The following HDAC1 variants were observed in gnomAD, a reference collection of about 807,000 sequenced individuals.
The protein encoded by HDAC1 is protein deacetylase HDAC1.
Under a neutral mutation model 65.5 loss-of-function variants are expected in HDAC1, and 18 were observed. The observed-to-expected ratio is 0.27, with a 90% CI of 0.19 to 0.41. HDAC1 has a LOEUF of 0.41. Ranked by LOEUF, HDAC1 falls within the 10% of genes least tolerant of loss-of-function variation. The probability of loss-of-function intolerance (pLI) is 1.00; values close to 1 mark genes in which losing one functional copy is unlikely to be tolerated. For missense variants in HDAC1, 373 were observed against 625.2 expected, an observed-to-expected ratio of 0.60 and a Z score of 4.30; for synonymous variants, 211 against 227.9, an observed-to-expected ratio of 0.93 and a Z score of 0.67.
intron 1 of HDAC1, among the ~76,000 whole-genome samples, chr1:32,293,893 C>G (rs1354450174): frequency 6.7e-6 from 1 of 148,240 alleles, no homozygotes; most frequent in Non-Finnish European, 1.5e-5. Flanking sequence ...CAGGGTGAGA[C>G]TCCATCTCAA....
intron 12 of HDAC1, among the ~76,000 whole-genome samples, 169 bp from the exon 13 acceptor site, chr1:32,332,532 C>G (rs1484731477): frequency 6.6e-6 from 1 of 152,212 alleles, no homozygotes; most frequent in East Asian, 1.9e-4. Context: ...GCTGGGAAAC[C>G]AGTCCAACCT....
rs1052376641 is a variant in HDAC1, at chr1:32,327,199, G to A, written c.494+122G>A. ...CCGATGTGCTGGCTAGGATGTGCTC[G>A]GTGAGTGTCTCTGGCCATCATCTCC... On this transcript the variant is annotated intron_variant, in intron 5 of 13. Transcript: ENST00000373548. This position sits in a 1 kb window ranked among gnomAD's most constrained non-coding sequence, Gnocchi z 6.0. The A allele has an allele frequency of 2.1e-5, 20 of 950,150 alleles. No individual in the cohort carries two copies. Among genetic ancestry groups the A allele is most frequent in the Non-Finnish European group, 2.6e-5 (16 of 622,858 alleles). 58.9% of individuals were successfully genotyped at this position (950,150 alleles called of 1,614,324 possible). A position where few individuals can be genotyped will look rare whatever the true frequency, so the allele number is the denominator to read the frequency against.
intron 3 of HDAC1, among the ~76,000 whole-genome samples, chr1:32,317,000 A>T (rs2148065451): frequency 6.6e-6 from 1 of 152,332 alleles, no homozygotes; most frequent in South Asian, 2.1e-4. Flanking sequence ...TTATGTTCAC[A>T]ACACTGTCCC....
intron 2 of HDAC1, among the ~76,000 whole-genome samples, chr1:32,309,119 C>G (rs1419551686): frequency 6.6e-6 from 1 of 152,142 alleles, no homozygotes; most frequent in African/African-American, 2.4e-5. Flanking sequence ...GCCAAGAGTT[C>G]ATTTGTTAGG....
chr1:32,309,740 C>CTATTCCT (rs1254937622), intron 2 of HDAC1, among the ~76,000 whole-genome samples: 4 of 150,490 alleles, frequency 2.7e-5, no homozygotes, highest in Non-Finnish European at 5.9e-5. Flanking sequence ...AATGCAGTGG[C>CTATTCCT]TATTCCTAGG....
chr1:32,297,630 G>A (rs1640785858), intron 1 of HDAC1, among the ~76,000 whole-genome samples: 1 of 152,022 alleles, frequency 6.6e-6, no homozygotes, highest in Non-Finnish European at 1.5e-5. Flanking sequence ...TTTGCGGGGG[G>A]GACGGAGTCT....
At chr1:32,319,917 T>TA (rs958927808) in intron 3 of HDAC1, among the ~76,000 whole-genome samples, 102 of 145,564 alleles carry the variant, frequency 7.0e-4, no homozygotes, top group Middle Eastern at 3.5e-3. Context: ...CTCGTCTCAA[T>TA]AAAAAAAAAA....
intron 4 of HDAC1, among the ~76,000 whole-genome samples, chr1:32,325,883 C>T (rs533120978): frequency 3.3e-5 from 5 of 151,898 alleles, no homozygotes; most frequent in African/African-American, 7.2e-5. Flanking sequence ...AAAAATTAGC[C>T]GGGCGTGGTG....
rs1641284502 is a variant in HDAC1, at chr1:32,331,021, A to G, written c.979+113A>G. ...ATATGACCGCTCCTCTTCTGATACT[A>G]GTCACTGAGTCTCCTGCCTGTCCTC... On this transcript the variant is annotated intron_variant, in intron 9 of 13. Transcript: ENST00000373548. The surrounding 1 kb of genome is among the most constrained non-coding windows in gnomAD (Gnocchi z 4.2). 1 of 880,742 alleles carries G rather than the reference A, an allele frequency of 1.1e-6. No individual in the cohort carries two copies. Among genetic ancestry groups the G allele is most frequent in the East Asian group, 2.6e-5 (1 of 38,254 alleles). 54.6% of individuals were successfully genotyped at this position (880,742 alleles called of 1,614,324 possible). A position where few individuals can be genotyped will look rare whatever the true frequency, so the allele number is the denominator to read the frequency against.
At chr1:32,318,117 G>A (rs767472901) in intron 3 of HDAC1, among the ~76,000 whole-genome samples, 3 of 152,134 alleles carry the variant, frequency 2.0e-5, no homozygotes, top group Non-Finnish European at 4.4e-5. Context: ...GTGCCACCAC[G>A]CCCGGCTAAT....
chr1:32,294,509 C>CTTT (rs533642905), intron 1 of HDAC1, among the ~76,000 whole-genome samples: 4 of 125,516 alleles, frequency 3.2e-5, no homozygotes, highest in Admixed American at 8.2e-5. Flanking sequence ...CAGTTGATAA[C>CTTT]TTTTTTTTTT....
chr1:32,332,669 C>T, intron 12 of HDAC1, 32 bp from the exon 13 acceptor site: 1 of 1,537,552 alleles, frequency 6.5e-7, no homozygotes, highest in South Asian at 1.2e-5. Flanking sequence ...AGAGGTGCTG[C>T]CCTTGGCCAT....
Position 32,330,522 on chromosome 1 carries a change from T to C in HDAC1, c.730-56T>C. ...AAAGTGTTGCACCCAGCCTTTCCAC[T>C]CCAAACCTCGTATTGCTTTCTTGAG... On this transcript the variant is annotated intron_variant, in intron 7 of 13. Transcript: ENST00000373548. The surrounding 1 kb of genome is among the most constrained non-coding windows in gnomAD (Gnocchi z 4.2). 7.9e-7 allele frequency: 1 copy of C among 1,264,402 alleles called. No individual in the cohort carries two copies. The highest frequency in any genetic ancestry group is 1.2e-6 in the Non-Finnish European group (1 of 862,300). The allele number at this position is 1,264,402 out of a possible 1,614,324, so 78.3% of individuals were successfully genotyped here.
At position 32,327,448 on chromosome 1, in the gene HDAC1, C is replaced by A; in HGVS notation, c.495-88C>A. 1.0e-6 allele frequency: 1 copy of A among 1,000,000 alleles called. No homozygotes were observed. The highest frequency in any genetic ancestry group is 1.6e-6 in the Non-Finnish European group (1 of 642,004). The allele number at this position is 1,000,000 out of a possible 1,614,324, so 61.9% of individuals were successfully genotyped here. A position where few individuals can be genotyped will look rare whatever the true frequency, so the allele number is the denominator to read the frequency against. On this transcript the variant is annotated intron_variant, in intron 5 of 13. Transcript: ENST00000373548. The surrounding 1 kb of genome is among the most constrained non-coding windows in gnomAD (Gnocchi z 6.0). ...GGTGCTTAGAGATACCTGAGGGAGG[C>A]AGCCAGCCCGGTAAGCTGGGAGCTA...
chr1:32,318,244 C>T (rs1347199638), intron 3 of HDAC1, among the ~76,000 whole-genome samples: 2 of 152,190 alleles, frequency 1.3e-5, no homozygotes, highest in South Asian at 2.1e-4. Context: ...CCACTGTGCC[C>T]GACCTGTTTT....
At position 32,327,093 on chromosome 1, in the gene HDAC1, C is replaced by T. The variant is rs1641229061; in HGVS notation, c.494+16C>T. ...AACTGCTAAAGTATGCCTGCCTGGC[C>T]TTGTCTCTTGGAAGAGCACCTTAGG... On this transcript the variant is annotated intron_variant, in intron 5 of 13. Transcript: ENST00000373548. The surrounding 1 kb of genome is among the most constrained non-coding windows in gnomAD (Gnocchi z 6.0). The T allele has an allele frequency of 1.9e-6, 3 of 1,613,356 alleles. No individual in the cohort carries two copies. Among genetic ancestry groups the T allele is most frequent in the Non-Finnish European group, 1.7e-6 (2 of 1,179,832 alleles).
rs991224633 is a variant in HDAC1 at position 32,327,354 on chromosome 1, C to T, written c.495-182C>T. 1.6e-5 allele frequency: 10 copies of T among 636,550 alleles called. No homozygotes were observed. Among genetic ancestry groups the T allele is most frequent in the East Asian group, 2.7e-5 (1 of 37,368 alleles). The allele number at this position is 636,550 out of a possible 1,614,324, so 39.4% of individuals were successfully genotyped here. ...GTAGAGTAGGAAGATCGGACTTGGT[C>T]GGCTTGGTCAGGCCTCTGGAGACAC... On this transcript the variant is annotated intron_variant, in intron 5 of 13. Transcript: ENST00000373548. This position sits in a 1 kb window ranked among gnomAD's most constrained non-coding sequence, Gnocchi z 6.0.
chr1:32,326,385 G>A (rs955300840), intron 4 of HDAC1, among the ~76,000 whole-genome samples: 1 of 152,052 alleles, frequency 6.6e-6, no homozygotes, highest in South Asian at 2.1e-4. Context: ...GGCTGGTATC[G>A]AACTCTTGAC....
chr1:32,323,767 G>T (rs1002155083), intron 3 of HDAC1, among the ~76,000 whole-genome samples: 2 of 152,112 alleles, frequency 1.3e-5, no homozygotes, highest in Non-Finnish European at 2.9e-5. Context: ...ATGATCTCGG[G>T]TATTTAACGC....
Sources: gnomAD v4.1 joint callset for allele counts (sites outside exome capture counted in the v4.1 genomes callset) on GRCh38, gnomAD v4.1.1 for gene constraint, Gnocchi (gnomAD v3.1) non-coding constraint, MANE v1.5 for transcripts, NCBI Gene and HGNC (gene_info 2026-07-23, HGNC 2026-07-21) for gene names.